MSRA: variants seen among roughly 807,000 people sequenced by gnomAD.
The protein encoded by MSRA is mitochondrial peptide methionine sulfoxide reductase.
A neutral mutation model predicts 31.3 loss-of-function variants in MSRA; 54 were observed. The ratio of observed to expected loss-of-function variants is 1.73; its 90% CI spans 1.39 to 2.17. The LOEUF is 2.17. Ranked by LOEUF, MSRA falls within the 30% of genes most tolerant of loss-of-function variation. The pLI is 0.00. For synonymous variants in MSRA, 169 were observed against 116.5 expected (o/e 1.45, Z -2.90); for missense variants, 507 against 300.9 (o/e 1.69, Z -5.07).
At chr8:10,242,967 C>G (rs144804582) in intron 2 of MSRA, among the ~76,000 whole-genome samples, 1 of 152,184 alleles carries the variant, frequency 6.6e-6, no homozygotes, top group Non-Finnish European at 1.5e-5. Flanking sequence ...CATCCTCCTC[C>G]TCATGGGGTC....
rs966266081 is a variant in MSRA at position 10,226,473 on chromosome 8, G to A, written c.211+18572G>A. ...GTCCTACATTTTCTCTTAGGATTGA[G>A]CTAGAGCTGAGATCATTCTACTATA... On this transcript the variant is annotated intron_variant, in intron 2 of 5. Coordinates refer to ENST00000317173, the MANE Select transcript of MSRA (RefSeq NM_012331.5). 3.3e-5 allele frequency among the ~76,000 whole-genome samples: 5 copies of A among 152,194 alleles called. 1 individual carries two copies.
chr8:10,186,602 T>C (rs1223951880), intron 1 of MSRA, among the ~76,000 whole-genome samples: 1 of 152,228 alleles, frequency 6.6e-6, no homozygotes, highest in East Asian at 1.9e-4. Context: ...TGAGTAGTAA[T>C]CCTTTACCTT....
intron 2 of MSRA, among the ~76,000 whole-genome samples, chr8:10,208,239 A>T (rs1463167619): frequency 6.6e-6 from 1 of 151,296 alleles, no homozygotes; most frequent in East Asian, 1.9e-4. Flanking sequence ...TAGATATATC[A>T]CTTTGTTAAA....
At chr8:10,182,018 G>T (rs578131360) in intron 1 of MSRA, among the ~76,000 whole-genome samples, 5 of 152,234 alleles carry the variant, frequency 3.3e-5, no homozygotes, top group Admixed American at 2.6e-4. Context: ...GGGGCAGGGA[G>T]AGGATATAGT....
chr8:10,080,097 C>G (rs1585104010), intron 1 of MSRA, among the ~76,000 whole-genome samples: 1 of 152,270 alleles, frequency 6.6e-6, no homozygotes, highest in East Asian at 1.9e-4. Flanking sequence ...CTTTTCTCCC[C>G]CATCTTTTTC....
At chr8:10,377,776 C>G (rs1805834795) in intron 5 of MSRA, among the ~76,000 whole-genome samples, 1 of 152,172 alleles carries the variant, frequency 6.6e-6, no homozygotes, top group African/African-American at 2.4e-5. Flanking sequence ...GCAAGTGACT[C>G]TTTCAGAGGA....
intron 1 of MSRA, among the ~76,000 whole-genome samples, chr8:10,113,422 G>C (rs1172850694): frequency 6.6e-6 from 1 of 150,608 alleles, no homozygotes; most frequent in African/African-American, 2.4e-5. Context: ...GGGTTAGCCT[G>C]AAAGAGGAGG....
In MSRA at chr8:10,054,500, T is replaced by G; in HGVS notation, c.-17T>G. ...TAGCGCCGTCCCCCGGGACCACCCT[T>G]CGGCTGGCGCCCTCCCATGCTCTCG... On this transcript the variant is annotated 5_prime_UTR_variant, in exon 1 of 6. Transcript: ENST00000317173. The G allele has an allele frequency of 6.4e-7, 1 of 1,565,084 alleles. No homozygotes were observed. The highest frequency in any genetic ancestry group is 8.6e-7 in the Non-Finnish European group (1 of 1,156,552).
At position 10,139,650 on chromosome 8, in the gene MSRA, A is replaced by T. The variant is rs142456568; in HGVS notation, c.143-68183A>T. On this transcript the variant is annotated intron_variant, in intron 1 of 5. Transcript: ENST00000317173. The stretch of plus-strand genomic sequence containing the variant: ...CTTTGTTTCTGAGTTATTTCACTTA[A>T]GATAATGGCCACCAGTTCTATTCAT... Among the ~76,000 whole-genome samples the T allele has an allele frequency of 2.0e-5, 3 of 152,368 alleles. No homozygotes were observed. In the East Asian group the frequency reaches 5.8e-4, roughly 29 times the overall value.
At chr8:10,141,680 G>A (rs1445227460) in intron 1 of MSRA, among the ~76,000 whole-genome samples, 1 of 151,644 alleles carries the variant, frequency 6.6e-6, no homozygotes, top group African/African-American at 2.4e-5. Context: ...AGATAAATGG[G>A]ACCAGAGTGA....
intron 5 of MSRA, among the ~76,000 whole-genome samples, chr8:10,417,156 A>T (rs189443529): frequency 1.3e-5 from 2 of 152,188 alleles, no homozygotes; most frequent in African/African-American, 4.8e-5. Flanking sequence ...TAATTGTGTC[A>T]CCTCTTTCTC....
intron 1 of MSRA, among the ~76,000 whole-genome samples, chr8:10,204,363 G>A (rs1467669779): frequency 6.6e-6 from 1 of 152,176 alleles, no homozygotes; most frequent in East Asian, 1.9e-4. Context: ...GACTTACCCA[G>A]AGCAGCTTCC....
At chr8:10,343,947 T>TG (rs1445804418) in intron 5 of MSRA, among the ~76,000 whole-genome samples, 2 of 152,200 alleles carry the variant, frequency 1.3e-5, no homozygotes, top group Admixed American at 6.5e-5. Context: ...TCCTCAGTCT[T>TG]GCTGAGTGTC....
At chr8:10,151,511 G>A (rs770537574) in intron 1 of MSRA, among the ~76,000 whole-genome samples, 1 of 152,038 alleles carries the variant, frequency 6.6e-6, no homozygotes, top group Admixed American at 6.6e-5. Flanking sequence ...TTAGCCGGGC[G>A]TGTTGGCAGG....
chr8:10,209,197 T>A (rs1384752308), intron 2 of MSRA, among the ~76,000 whole-genome samples: 1 of 152,256 alleles, frequency 6.6e-6, no homozygotes, highest in Non-Finnish European at 1.5e-5. Context: ...ATTTGCTAAC[T>A]TTCCTGTCCC....
At chr8:10,100,091 T>C (rs1799433494) in intron 1 of MSRA, among the ~76,000 whole-genome samples, 1 of 152,076 alleles carries the variant, frequency 6.6e-6, no homozygotes, top group Admixed American at 6.6e-5. Flanking sequence ...CTAGGGGCCT[T>C]TGAGGGAGCA....
intron 5 of MSRA, among the ~76,000 whole-genome samples, chr8:10,339,930 C>T (rs1164905215): frequency 6.6e-6 from 1 of 152,150 alleles, no homozygotes; most frequent in Admixed American, 6.5e-5. Context: ...TTCTCAGGCC[C>T]TACCCCACCC....
intron 5 of MSRA, among the ~76,000 whole-genome samples, chr8:10,377,554 T>G (rs760070656): frequency 3.3e-5 from 5 of 152,218 alleles, no homozygotes; most frequent in Non-Finnish European, 7.3e-5. Flanking sequence ...ATGCATATTT[T>G]TACCCAGAAG....
chr8:10,122,148 T>G (rs1801165080), intron 1 of MSRA, among the ~76,000 whole-genome samples: 1 of 152,018 alleles, frequency 6.6e-6, no homozygotes, highest in South Asian at 2.1e-4. Flanking sequence ...ATGCTGCTGG[T>G]GTTGTTGTAA....
Sources: allele counts gnomAD v4.1 joint callset (sites outside exome capture counted in the v4.1 genomes callset), GRCh38; gene constraint gnomAD v4.1.1; transcripts MANE v1.5; gene names NCBI Gene and HGNC (gene_info 2026-07-23, HGNC 2026-07-21).